TNPO1: variants seen among roughly 807,000 people sequenced by gnomAD.
The protein encoded by TNPO1 is transportin-1.
In TNPO1, 8 loss-of-function variants were observed where a neutral mutation model predicts 119.5. That is an observed-to-expected ratio of 0.07 (90% CI 0.04 to 0.12). TNPO1 has a LOEUF of 0.12. TNPO1 is among the 10% of genes least tolerant of loss of function. The pLI, the probability that TNPO1 is intolerant of heterozygous loss-of-function variation, is 1.00. For missense variants in TNPO1, 576 were observed against 1,089.8 expected, an observed-to-expected ratio of 0.53 and a Z score of 6.64; for synonymous variants, 362 against 363.0, an observed-to-expected ratio of 1.00 and a Z score of 0.03.
In TNPO1 at chr5:72,904,090, G is replaced by A. The variant is rs1290164915; in HGVS notation, c.2589+307G>A. Among the ~76,000 whole-genome samples the A allele has an allele frequency of 3.9e-5, 6 of 152,304 alleles. 1 individual carries two copies. Among genetic ancestry groups the A allele is most frequent in the Middle Eastern group, 6.8e-3 (2 of 294 alleles). On this transcript the variant is annotated intron_variant, in intron 23 of 24. Coordinates refer to ENST00000337273, the MANE Select transcript of TNPO1 (RefSeq NM_002270.4). The stretch of plus-strand genomic sequence containing the variant: ...TTCAAGATGGAAATGGAGACTTGGA[G>A]TATAATCTGAAAAAGAGTAAATCTA...
intron 1 of TNPO1, among the ~76,000 whole-genome samples, chr5:72,847,686 A>G (rs1480443105): frequency 6.6e-6 from 1 of 152,238 alleles, no homozygotes; most frequent in Non-Finnish European, 1.5e-5. Flanking sequence ...ATAGGAGTTC[A>G]AAAGTTGAAG....
intron 1 of TNPO1, among the ~76,000 whole-genome samples, chr5:72,836,829 A>G (rs975081717): frequency 1.3e-5 from 2 of 152,196 alleles, no homozygotes; most frequent in African/African-American, 2.4e-5. Flanking sequence ...CTTCCACACA[A>G]TGCTAGGACA....
intron 6 of TNPO1, among the ~76,000 whole-genome samples, chr5:72,869,678 G>C (rs1747231081): frequency 6.6e-6 from 1 of 152,148 alleles, no homozygotes; most frequent in African/African-American, 2.4e-5. Flanking sequence ...TGATTTAACA[G>C]AATTACTCTG....
intron 6 of TNPO1, among the ~76,000 whole-genome samples, chr5:72,867,513 C>T (rs942619542): frequency 2.0e-5 from 3 of 152,154 alleles, no homozygotes; most frequent in Non-Finnish European, 4.4e-5. Flanking sequence ...ACTTGAGGTA[C>T]TCAGAATTGA....
At chr5:72,900,381 A>T (rs1332811824) in intron 21 of TNPO1, among the ~76,000 whole-genome samples, 1 of 152,230 alleles carries the variant, frequency 6.6e-6, no homozygotes, top group Non-Finnish European at 1.5e-5. Flanking sequence ...AAAAATAAAG[A>T]TGCATGCAAA....
chr5:72,888,360 C>T (rs1748807071), intron 13 of TNPO1, 57 bp downstream of exon 13: 1 of 1,446,880 alleles, frequency 6.9e-7, no homozygotes, highest in Non-Finnish European at 9.6e-7. Flanking sequence ...TAATTTTCAA[C>T]CTTCTGATGG....
intron 5 of TNPO1, among the ~76,000 whole-genome samples, chr5:72,864,646 T>A (rs551792222): frequency 6.6e-6 from 1 of 152,282 alleles, no homozygotes; most frequent in African/African-American, 2.4e-5. Flanking sequence ...TTTTGCTTTG[T>A]CACCCAGGCT....
intron 24 of TNPO1, 191 bp downstream of exon 24, chr5:72,905,636 T>G (rs1750089557): frequency 6.7e-6 from 2 of 298,178 alleles, no homozygotes; most frequent in Non-Finnish European, 1.2e-5. Flanking sequence ...GGCTCATGTC[T>G]GTAATCCCAG....
intron 2 of TNPO1, among the ~76,000 whole-genome samples, chr5:72,850,653 A>G (rs34653): frequency 0.82 from 124,975 of 152,164 alleles, 51,591 homozygotes; most frequent in Non-Finnish European, 0.86. Context: ...GGTATCACTA[A>G]AAATGTTGCA....
intron 5 of TNPO1, among the ~76,000 whole-genome samples, chr5:72,865,366 C>T (rs923820913): frequency 2.0e-5 from 3 of 150,366 alleles, no homozygotes; most frequent in Admixed American, 1.3e-4. Context: ...CACTTGAACC[C>T]GGGAGGCAGA....
At chr5:72,906,065 T>C (rs1201938340) in intron 24 of TNPO1, among the ~76,000 whole-genome samples, 1 of 152,072 alleles carries the variant, frequency 6.6e-6, no homozygotes, top group Non-Finnish European at 1.5e-5. Flanking sequence ...CCTTTTTTCT[T>C]TCTTTTTTCC....
At chr5:72,882,941 C>G (rs903315178) in intron 10 of TNPO1, 123 bp from the exon 11 acceptor site, 20 of 753,108 alleles carry the variant, frequency 2.7e-5, no homozygotes, top group Non-Finnish European at 3.9e-5. Context: ...CTTAATCACT[C>G]TGGAAGTATA....
Position 72,887,294 on chromosome 5 carries a change from A to T in TNPO1, c.1303+72A>T, listed in dbSNP as rs542728089. On this transcript the variant is annotated intron_variant, in intron 12 of 24. Coordinates refer to ENST00000337273, the MANE Select transcript of TNPO1 (RefSeq NM_002270.4). Reference sequence around the variant, plus strand: ...TATTAGGTACTAATAAGGCTAGGCTACTTTAAGGAATTTCTATTTTGAACC... The same window carrying T: ...TATTAGGTACTAATAAGGCTAGGCTTCTTTAAGGAATTTCTATTTTGAACC... 2.6e-5 allele frequency: 27 copies of T among 1,056,988 alleles called. No homozygotes were observed. The African/African-American group carries it at 3.9e-4, about 15-fold the overall frequency. 65.5% of individuals were successfully genotyped at this position (1,056,988 alleles called of 1,614,324 possible).
Position 72,912,517 on chromosome 5 carries a change from A to G in TNPO1, c.*3844A>G, listed in dbSNP as rs1015697428. 1 of 152,448 alleles carries G rather than the reference A, an allele frequency of 6.6e-6. No homozygotes were observed. Among genetic ancestry groups the G allele is most frequent in the African/African-American group, 2.4e-5 (1 of 41,434 alleles). 9.4% of individuals were successfully genotyped at this position (152,448 alleles called of 1,614,324 possible). On this transcript the variant is annotated 3_prime_UTR_variant, in exon 25 of 25. Transcript: ENST00000337273. ...ATGCTTATAAAGGGTCATCCTAGTTACATTCTTTGTTTTTTAAGTGTATTT... is the reference window on the plus strand; with the variant it reads ...ATGCTTATAAAGGGTCATCCTAGTTGCATTCTTTGTTTTTTAAGTGTATTT...
At chr5:72,898,324 C>T (rs1340890189) in intron 20 of TNPO1, among the ~76,000 whole-genome samples, 2 of 152,036 alleles carry the variant, frequency 1.3e-5, no homozygotes, top group African/African-American at 4.8e-5. Context: ...TGTGGGATAT[C>T]AGCTGGTGAA....
intron 1 of TNPO1, among the ~76,000 whole-genome samples, chr5:72,820,675 G>A (rs1334635326): frequency 6.6e-6 from 1 of 152,138 alleles, no homozygotes; most frequent in Non-Finnish European, 1.5e-5. Flanking sequence ...CTGCTTGACT[G>A]CAAAGCTCAT....
At chr5:72,848,941 CTG>C (rs1745332346) in intron 2 of TNPO1, among the ~76,000 whole-genome samples, 4 of 151,978 alleles carry the variant, frequency 2.6e-5, no homozygotes, top group Admixed American at 2.6e-4. Context: ...GGAGGGCGCT[CTG>C]TGCGCGGCGG....
In TNPO1 at chr5:72,861,815, G is replaced by T; in HGVS notation, c.363G>T (p.Leu121Phe). 2 of 1,612,424 alleles carry T rather than the reference G, an allele frequency of 1.2e-6. No homozygotes were observed. The highest frequency in any genetic ancestry group is 2.2e-5 in the South Asian group (2 of 90,968). The change falls in exon 5 of 25, where the codon TTG becomes TTT. Residue 121 changes from leucine to phenylalanine, a missense_variant. This residue lies in a region of TNPO1 where 310 missense variants were observed against 583.0 expected (regional missense o/e 0.53). Coordinates refer to ENST00000337273, the MANE Select transcript of TNPO1 (RefSeq NM_002270.4). ...SPLIRATVGI[L>F]ITTIASKGEL... ...AGTGTGTTTTTGTTCAAGGTATTTTGATCACAACTATAGCCTCCAAGGGAG... is the reference window on the plus strand; with the variant it reads ...AGTGTGTTTTTGTTCAAGGTATTTTTATCACAACTATAGCCTCCAAGGGAG...
intron 18 of TNPO1, 114 bp downstream of exon 18, chr5:72,893,817 A>G (rs1749230617): frequency 1.0e-6 from 1 of 993,716 alleles, no homozygotes; most frequent in Non-Finnish European, 1.5e-6. Flanking sequence ...TTATAAATGT[A>G]CACTTTATTG....
Sources: allele counts gnomAD v4.1 joint callset (sites outside exome capture counted in the v4.1 genomes callset), GRCh38; gene constraint gnomAD v4.1.1; regional missense constraint gnomAD v4.1.1; transcripts MANE v1.5; gene names NCBI Gene and HGNC (gene_info 2026-07-23, HGNC 2026-07-21).